Variants in SHTN1 observed in about 807,000 individuals in gnomAD.
SHTN1 encodes the protein shootin 1, also known as shootin-1.
SHTN1 carries 42 observed loss-of-function variants against 83.1 expected under a neutral mutation model. The ratio of observed to expected loss-of-function variants is 0.51; its 90% CI spans 0.39 to 0.65. SHTN1 has a LOEUF of 0.65. Among genes scored for constraint, SHTN1 ranks in the 30% least tolerant of loss-of-function variants. The probability of loss-of-function intolerance (pLI) is 0.00; values close to 1 mark genes in which losing one functional copy is unlikely to be tolerated. For synonymous variants in SHTN1, 224 were observed against 247.7 expected (o/e 0.90, Z 0.90); for missense variants, 622 against 737.8 (o/e 0.84, Z 1.82).
intron 1 of SHTN1, among the ~76,000 whole-genome samples, chr10:116,993,336 T>C (rs982080495): frequency 4.6e-5 from 7 of 152,208 alleles, no homozygotes; most frequent in African/African-American, 1.7e-4. Context: ...TTTTCATATA[T>C]GTTGTAGGTT....
At chr10:117,076,203 G>T (rs1310877685) in intron 1 of SHTN1, among the ~76,000 whole-genome samples, 1 of 134,930 alleles carries the variant, frequency 7.4e-6, no homozygotes, top group Non-Finnish European at 1.6e-5. Flanking sequence ...AAAAAAAAAA[G>T]ATAATGTTAG....
At chr10:117,085,829 A>AT (rs201396794) in intron 1 of SHTN1, among the ~76,000 whole-genome samples, 3,801 of 143,706 alleles carry the variant, frequency 0.026, 78 homozygotes, top group Admixed American at 0.047. Context: ...TAAAATTGTT[A>AT]TTTTTTTTGC....
chr10:117,096,022 A>T (rs1853499305), intron 1 of SHTN1, among the ~76,000 whole-genome samples: 1 of 152,176 alleles, frequency 6.6e-6, no homozygotes, highest in South Asian at 2.1e-4. Flanking sequence ...TAACAACATA[A>T]TTCTTAAGCG....
intron 1 of SHTN1, among the ~76,000 whole-genome samples, chr10:117,068,119 C>T (rs1420643278): frequency 1.3e-5 from 2 of 152,094 alleles, no homozygotes; most frequent in East Asian, 1.9e-4. Context: ...AGGCCAGGCA[C>T]GGTGGCTCAC....
intron 2 of SHTN1, among the ~76,000 whole-genome samples, chr10:117,020,530 T>C (rs951660339): frequency 3.4e-5 from 5 of 149,062 alleles, no homozygotes; most frequent in African/African-American, 1.2e-4. Context: ...ACTTATAAAG[T>C]CATCTTATTT....
chr10:117,008,768 T>C (rs914751442), upstream of SHTN1, among the ~76,000 whole-genome samples: 2 of 152,090 alleles, frequency 1.3e-5, no homozygotes, highest in Non-Finnish European at 1.5e-5. Context: ...GTAATACAAA[T>C]TTTCTAAAAT....
rs1852982536 is a variant in SHTN1 at position 117,065,790 on chromosome 10, AAGGAAGGAAGG to A, written c.-188-17291_-188-17281del. 2.3e-4 allele frequency among the ~76,000 whole-genome samples: 3 copies of A among 13,288 alleles called. 1 individual carries two copies. The highest frequency in any genetic ancestry group is 4.5e-4 in the Non-Finnish European group (3 of 6,668). The allele number at this position is 13,288 out of a possible 152,430, so 8.7% of individuals were successfully genotyped here. On this transcript the variant is annotated intron_variant, in intron 1 of 17. Transcript: ENST00000392901. ...AAAGAAAGAAAGAAAGAAAGGAAGG[AAGGAAGGAAGG>A]AAGGAAGGAAGGAAGGAAGGAAGGA... is the stretch of plus-strand genomic sequence containing the variant.
intron 8 of SHTN1, among the ~76,000 whole-genome samples, chr10:116,942,193 G>T (rs1423024969): frequency 2.7e-5 from 4 of 150,450 alleles, no homozygotes; most frequent in Non-Finnish European, 5.9e-5. Flanking sequence ...AATTGTTTTG[G>T]GTGACCATTA....
At chr10:116,890,792 C>A (rs920326335) in intron 16 of SHTN1, among the ~76,000 whole-genome samples, 1 of 152,202 alleles carries the variant, frequency 6.6e-6, no homozygotes, top group South Asian at 2.1e-4. Context: ...CCAAACCATA[C>A]TGGTACCAGA....
chr10:116,973,406 T>C (rs1192988717), intron 2 of SHTN1, among the ~76,000 whole-genome samples: 1 of 152,204 alleles, frequency 6.6e-6, no homozygotes, highest in Non-Finnish European at 1.5e-5. Context: ...GAACAATCTA[T>C]ACATACGCAA....
intron 1 of SHTN1, among the ~76,000 whole-genome samples, chr10:117,120,167 A>C (rs1853902877): frequency 6.6e-6 from 1 of 152,200 alleles, no homozygotes; most frequent in South Asian, 2.1e-4. Context: ...TTTAAAAATA[A>C]CTGAAAAGAG....
upstream of SHTN1, among the ~76,000 whole-genome samples, chr10:117,009,378 CAAAA>C (rs958850353): frequency 6.6e-6 from 1 of 150,452 alleles, no homozygotes; most frequent in African/African-American, 2.4e-5. Context: ...TGGCAGGATG[CAAAA>C]AAAAGTATGA....
intron 3 of SHTN1, among the ~76,000 whole-genome samples, chr10:116,965,362 C>CA (rs1230050232): frequency 6.6e-6 from 1 of 152,098 alleles, no homozygotes; most frequent in Non-Finnish European, 1.5e-5. Context: ...ACTAAAAATA[C>CA]AAAAAATAGC....
chr10:116,900,677 T>G (rs2133321988), intron 16 of SHTN1: 2 of 1,470,914 alleles, frequency 1.4e-6, no homozygotes, highest in Non-Finnish European at 1.8e-6. Flanking sequence ...TCAAATTAGG[T>G]GTTAAACAAA....
chr10:117,017,390 C>T (rs554468311), intron 2 of SHTN1, among the ~76,000 whole-genome samples: 50 of 149,708 alleles, frequency 3.3e-4, no homozygotes, highest in African/African-American at 1.1e-3. Flanking sequence ...ACTCGGGAGG[C>T]TGAGGAAGGA....
chr10:117,069,954 T>C (rs192576515), intron 1 of SHTN1, among the ~76,000 whole-genome samples: 223 of 152,186 alleles, frequency 1.5e-3, no homozygotes, highest in African/African-American at 4.9e-3. Flanking sequence ...TAGAGTTCTA[T>C]AAAAATTAAG....
chr10:116,900,702 T>A, intron 16 of SHTN1: 2 of 984,830 alleles, frequency 2.0e-6, no homozygotes, highest in Non-Finnish European at 2.4e-6. Context: ...ATAGGAAAGA[T>A]GGAGAATGAA....
chr10:117,051,358 C>G (rs1023156005), intron 1 of SHTN1, among the ~76,000 whole-genome samples: 1 of 152,116 alleles, frequency 6.6e-6, no homozygotes, highest in South Asian at 2.1e-4. Flanking sequence ...TAACACTAAT[C>G]TTTTTCAAAT....
rs556083182 is a variant in SHTN1 at position 116,928,538 on chromosome 10, T to G, written c.1013-647A>C. ...TGCTACAGGAGACGTAACACCTGAC[T>G]TCAAAGAACTGAACTTAAGTTGATA... On this transcript the variant is annotated intron_variant, in intron 10 of 16. Coordinates refer to ENST00000355371, the MANE Select transcript of SHTN1 (RefSeq NM_001127211.3). Among the ~76,000 whole-genome samples the G allele has an allele frequency of 2.6e-5, 4 of 152,318 alleles. No homozygotes were observed. In the South Asian group the frequency reaches 8.3e-4, roughly 32 times the overall value.
Sources: allele counts gnomAD v4.1 joint callset (sites outside exome capture counted in the v4.1 genomes callset), GRCh38; gene constraint gnomAD v4.1.1; transcripts MANE v1.5; gene names NCBI Gene and HGNC (gene_info 2026-07-23, HGNC 2026-07-21).